The following XYLT1 variants were observed in gnomAD, a reference collection of about 807,000 sequenced individuals.
The protein encoded by XYLT1 is xylosyltransferase 1.
Under a neutral mutation model 91.3 loss-of-function variants are expected in XYLT1, and 36 were observed. The ratio of observed to expected loss-of-function variants is 0.39; its 90% CI spans 0.30 to 0.52. The LOEUF (loss-of-function observed/expected upper bound fraction) is 0.52. Ranked by LOEUF, XYLT1 falls within the 20% of genes least tolerant of loss-of-function variation. XYLT1 has a pLI of 0.68. For synonymous variants in XYLT1, 588 were observed against 532.0 expected (o/e 1.11, Z -1.45); for missense variants, 1,242 against 1,284.5 (o/e 0.97, Z 0.51).
chr16:17,358,145 TAAGAGACAGGG>T, intron 1 of XYLT1, 95 bp from the exon 2 acceptor site: 1 of 1,184,718 alleles, frequency 8.4e-7, no homozygotes, highest in Non-Finnish European at 1.2e-6. Flanking sequence ...TTTTTTTTTT[TAAGAGACAGGG>T]TCTCGCTTTG....
intron 6 of XYLT1, among the ~76,000 whole-genome samples, chr16:17,157,115 T>C (rs758336166): frequency 5.3e-4 from 81 of 152,098 alleles, no homozygotes; most frequent in Non-Finnish European, 7.5e-4. Flanking sequence ...ACCCGGCTAA[T>C]TTTTGTATTT....
intron 3 of XYLT1, among the ~76,000 whole-genome samples, chr16:17,216,496 C>T (rs2032863325): frequency 6.6e-6 from 1 of 152,134 alleles, no homozygotes; most frequent in Non-Finnish European, 1.5e-5. Flanking sequence ...TCTGCAGGTG[C>T]CTTCTTTTAA....
chr16:17,434,927 T>G (rs1201131833), intron 1 of XYLT1, among the ~76,000 whole-genome samples: 1 of 148,622 alleles, frequency 6.7e-6, no homozygotes, highest in African/African-American at 2.5e-5. Context: ...ACAACACAGG[T>G]GTGGAGTTTT....
chr16:17,352,522 T>C (rs2035235693), intron 2 of XYLT1, among the ~76,000 whole-genome samples: 1 of 152,232 alleles, frequency 6.6e-6, no homozygotes, highest in Non-Finnish European at 1.5e-5. Flanking sequence ...GGCATTATTT[T>C]TATAGGAACC....
chr16:17,454,033 T>G (rs1244125828), intron 1 of XYLT1, among the ~76,000 whole-genome samples: 2 of 152,346 alleles, frequency 1.3e-5, no homozygotes, highest in Middle Eastern at 3.4e-3. Flanking sequence ...AAATAAGCCT[T>G]GTTACAGAGT....
chr16:17,346,501 C>T (rs1315947700), intron 2 of XYLT1, among the ~76,000 whole-genome samples: 1 of 152,094 alleles, frequency 6.6e-6, no homozygotes, highest in Non-Finnish European at 1.5e-5. Flanking sequence ...AGTGGTTTTA[C>T]CTATCAGTTT....
chr16:17,182,830 A>G (rs2032100736), intron 5 of XYLT1, among the ~76,000 whole-genome samples: 1 of 152,262 alleles, frequency 6.6e-6, no homozygotes. Flanking sequence ...CTGAGGTCCA[A>G]TGGGAACAGG....
At chr16:17,430,107 T>C (rs897487236) in intron 1 of XYLT1, among the ~76,000 whole-genome samples, 2 of 151,950 alleles carry the variant, frequency 1.3e-5, no homozygotes, top group Non-Finnish European at 2.9e-5. Context: ...CAGCTAATTT[T>C]TGTATTTTTA....
At chr16:17,432,183 T>C (rs1173085038) in intron 1 of XYLT1, among the ~76,000 whole-genome samples, 3 of 152,100 alleles carry the variant, frequency 2.0e-5, no homozygotes, top group Non-Finnish European at 4.4e-5. Flanking sequence ...AAGTTAAATA[T>C]AAATTTGCCA....
At chr16:17,223,147 A>C (rs2033002228) in intron 3 of XYLT1, among the ~76,000 whole-genome samples, 1 of 152,154 alleles carries the variant, frequency 6.6e-6, no homozygotes, top group South Asian at 2.1e-4. Context: ...TCAGCCAGTA[A>C]CAACTAAATT....
At chr16:17,138,220 A>G in intron 8 of XYLT1, 135 bp downstream of exon 8, 1 of 860,980 alleles carries the variant, frequency 1.2e-6, no homozygotes, top group Non-Finnish European at 1.6e-6. Flanking sequence ...TGATACTGTT[A>G]ACTATTATTA....
At chr16:17,366,784 G>A (rs2035461263) in intron 1 of XYLT1, among the ~76,000 whole-genome samples, 1 of 152,162 alleles carries the variant, frequency 6.6e-6, no homozygotes, top group Non-Finnish European at 1.5e-5. Context: ...TGTAATTGAG[G>A]CTCAAAGGAG....
rs188916324 is a variant in XYLT1, at chr16:17,135,830, G to A, written c.1765-1095C>T. Among the ~76,000 whole-genome samples, 546 of 152,306 alleles carry A rather than the reference G, an allele frequency of 3.6e-3. 2 individuals carry two copies. Among genetic ancestry groups the A allele is most frequent in the Non-Finnish European group, 5.2e-3 (352 of 68,030 alleles). On this transcript the variant is annotated intron_variant, in intron 8 of 11. Coordinates refer to ENST00000261381, the MANE Select transcript of XYLT1 (RefSeq NM_022166.4). ...AAATAGCTTTGAAACCTTCAGCTTC[G>A]CTTTTATAGCATAAAAGCAGCCACA...
rs577550160 is a variant in XYLT1, at chr16:17,434,620, G to A, written c.363+35814C>T. On this transcript the variant is annotated intron_variant, in intron 1 of 11. Coordinates refer to ENST00000261381, the MANE Select transcript of XYLT1 (RefSeq NM_022166.4). ...GCCTGTAATCCCAAAACTTGGGGAG[G>A]CCAAGGCAGAAGGATCACTTGAGGC... is the stretch of plus-strand genomic sequence containing the variant. 2.8e-4 allele frequency among the ~76,000 whole-genome samples: 42 copies of A among 152,332 alleles called. No individual in the cohort carries two copies. In the South Asian group the frequency reaches 8.3e-3, roughly 30 times the overall value.
chr16:17,412,842 C>T (rs560702866), intron 1 of XYLT1, among the ~76,000 whole-genome samples: 15 of 152,096 alleles, frequency 9.9e-5, no homozygotes, highest in Non-Finnish European at 1.8e-4. Context: ...GAGATGTTTT[C>T]CTAATGGCAG....
intron 10 of XYLT1, among the ~76,000 whole-genome samples, chr16:17,120,300 C>T (rs777981624): frequency 8.8e-5 from 12 of 136,710 alleles, no homozygotes; most frequent in Non-Finnish European, 1.6e-4. Context: ...CTTTCAGCAA[C>T]TCTTGGTTTC....
intron 9 of XYLT1, among the ~76,000 whole-genome samples, chr16:17,128,142 T>C (rs914961749): frequency 1.3e-5 from 2 of 152,188 alleles, no homozygotes; most frequent in Admixed American, 6.5e-5. Flanking sequence ...TTCACAGATA[T>C]TGAGTCCTCT....
intron 5 of XYLT1, among the ~76,000 whole-genome samples, chr16:17,192,524 A>G (rs2032336734): frequency 6.6e-6 from 1 of 152,204 alleles, no homozygotes; most frequent in South Asian, 2.1e-4. Flanking sequence ...AGAACATACG[A>G]ATAAAACCAT....
intron 3 of XYLT1, among the ~76,000 whole-genome samples, chr16:17,205,769 T>C (rs2032631164): frequency 6.6e-6 from 1 of 152,144 alleles, no homozygotes; most frequent in South Asian, 2.1e-4. Flanking sequence ...CTCTGCAGCG[T>C]ATGCCCAGAC....
Sources: allele counts gnomAD v4.1 joint callset (sites outside exome capture counted in the v4.1 genomes callset), GRCh38; gene constraint gnomAD v4.1.1; transcripts MANE v1.5; gene names NCBI Gene and HGNC (gene_info 2026-07-23, HGNC 2026-07-21).